Variants in KPNA7 observed in about 807,000 individuals in gnomAD.
KPNA7 encodes the protein karyopherin subunit alpha 7.
A neutral mutation model predicts 53.7 loss-of-function variants in KPNA7; 54 were observed. That is an observed-to-expected ratio of 1.01 (90% CI 0.81 to 1.26). The LOEUF (loss-of-function observed/expected upper bound fraction) is 1.26, where lower values mean the gene tolerates loss of function less well. Ranked by LOEUF, KPNA7 falls within the 50% of genes most tolerant of loss-of-function variation. KPNA7 has a pLI of 0.00. For synonymous variants in KPNA7, 276 were observed against 259.3 expected, an observed-to-expected ratio of 1.06 and a Z score of -0.62; for missense variants, 640 against 644.5, an observed-to-expected ratio of 0.99 and a Z score of 0.07.
chr7:99,168,567 G>A, the KPNA7 span, among the ~76,000 whole-genome samples: 2 of 152,236 alleles, frequency 1.3e-5, no homozygotes, highest in Admixed American at 1.3e-4. Flanking sequence ...CTGGGGTGTG[G>A]TGGCAGGATC....
downstream of KPNA7, among the ~76,000 whole-genome samples, chr7:99,169,311 A>G (rs1213902891): frequency 6.6e-6 from 1 of 151,950 alleles, no homozygotes; most frequent in Non-Finnish European, 1.5e-5. Flanking sequence ...AAAAATGAGT[A>G]TTTTGCTTAC....
chr7:99,186,322 G>A (rs1031047854), intron 7 of KPNA7, among the ~76,000 whole-genome samples: 1 of 152,118 alleles, frequency 6.6e-6, no homozygotes, highest in Non-Finnish European at 1.5e-5. Context: ...TGTAGTGGCA[G>A]CCCCAGTAAA....
intron 2 of KPNA7, 97 bp downstream of exon 2, chr7:99,207,304 A>C: frequency 1.0e-6 from 1 of 977,280 alleles, no homozygotes; most frequent in South Asian, 1.4e-5. Context: ...AAGTGTTGGG[A>C]TTACAGGCAT....
At chr7:99,162,654 G>GA in the KPNA7 span, among the ~76,000 whole-genome samples, 2 of 151,752 alleles carry the variant, frequency 1.3e-5, no homozygotes, top group African/African-American at 2.4e-5. Flanking sequence ...CAAAGAGAAG[G>GA]AAAAAAAGAG....
intron 6 of KPNA7, 121 bp downstream of exon 6, chr7:99,192,897 AG>A: frequency 1.6e-6 from 1 of 614,014 alleles, no homozygotes; most frequent in East Asian, 3.1e-5. Context: ...GAGAGGTAGG[AG>A]GATTGCTTGA....
upstream of KPNA7, among the ~76,000 whole-genome samples, chr7:99,210,585 T>C (rs1159077372): frequency 1.3e-5 from 2 of 152,026 alleles, no homozygotes; most frequent in Non-Finnish European, 2.9e-5. Flanking sequence ...AGTTTGCTTT[T>C]GTGTTTTTGT....
At chr7:99,208,587 T>C (rs1790938174), upstream of KPNA7, among the ~76,000 whole-genome samples, 1 of 151,032 alleles carries the variant, frequency 6.6e-6, no homozygotes, top group Admixed American at 6.6e-5. Context: ...TTGTTTGTTT[T>C]TGTAGAGTCG....
In KPNA7 at chr7:99,203,100, A is replaced by T. The variant is rs573505062; in HGVS notation, c.201+6T>A. 6.4e-7 allele frequency: 1 copy of T among 1,551,578 alleles called. No individual in the cohort carries two copies. The highest frequency in any genetic ancestry group is 2.4e-5 in the East Asian group (1 of 40,906). On this transcript the variant is annotated splice_donor_region_variant and intron_variant, in intron 3 of 10. Transcript: ENST00000327442. ...CCCAAGACTACTCTAAACACTACAT[A>T]CTGACCGCCACCCCTTTGGCTGTTT...
the KPNA7 span, among the ~76,000 whole-genome samples, chr7:99,164,631 TTA>T: frequency 0.02 from 394 of 19,752 alleles, 1 homozygote; most frequent in African/African-American, 0.034. Context: ...CTTAAAGAAT[TTA>T]AAAAAAAAAA....
chr7:99,194,064 C>T (rs1269258849), intron 5 of KPNA7, among the ~76,000 whole-genome samples: 3 of 152,170 alleles, frequency 2.0e-5, no homozygotes, highest in Non-Finnish European at 4.4e-5. Flanking sequence ...TCTAATCATA[C>T]TGTTTCTGCT....
intron 2 of KPNA7, among the ~76,000 whole-genome samples, chr7:99,205,995 C>A (rs1790793399): frequency 6.6e-6 from 1 of 152,190 alleles, no homozygotes; most frequent in Admixed American, 6.6e-5. Flanking sequence ...GCAAGAACAG[C>A]CTGGACTTCT....
intron 8 of KPNA7, among the ~76,000 whole-genome samples, chr7:99,184,264 C>T (rs1789455186): frequency 6.6e-6 from 1 of 151,362 alleles, no homozygotes; most frequent in Admixed American, 6.6e-5. Flanking sequence ...AATTGATCCT[C>T]CTACCTTAGC....
At chr7:99,190,976 C>T (rs922191968) in intron 6 of KPNA7, among the ~76,000 whole-genome samples, 1 of 152,052 alleles carries the variant, frequency 6.6e-6, no homozygotes, top group African/African-American at 2.4e-5. Flanking sequence ...GCCTCAACTT[C>T]ATGCCTGCAA....
chr7:99,165,230 G>A, the KPNA7 span, among the ~76,000 whole-genome samples: 1 of 151,968 alleles, frequency 6.6e-6, no homozygotes, highest in South Asian at 2.1e-4. Flanking sequence ...CCTAGCAGAT[G>A]TCTACCAATG....
chr7:99,194,933 T>C (rs1418934390), intron 5 of KPNA7, 137 bp downstream of exon 5: 24 of 1,089,132 alleles, frequency 2.2e-5, no homozygotes, highest in Non-Finnish European at 3.1e-5. Context: ...CAGCTCATTG[T>C]ACCCTTGCCA....
rs760915691 is a variant in KPNA7 at position 99,178,051 on chromosome 7, A to G, written c.1333T>C (p.Ser445Pro). Residue 445 changes from serine (S) to proline (P), a missense_variant, in exon 10 of 11, where the codon TCT becomes CCT. By Grantham distance (74) the Ser-to-Pro change is moderately conservative. Coordinates refer to ENST00000327442, the MANE Select transcript of KPNA7 (RefSeq NM_001145715.3). ...SCILQAAEKR[S>P]EKENLCLLIE... is the part of the protein sequence containing the mutation. ...AGAAGACACAGGTTTTCCTTCTCAG[A>G]CCGTTTCTCTGCCGCCTGTGACCAA... 5.2e-6 allele frequency: 8 copies of G among 1,551,202 alleles called. No individual in the cohort carries two copies. The highest frequency in any genetic ancestry group is 1.7e-4 in the Middle Eastern group (1 of 6,014).
chr7:99,216,944 G>A (rs1563095013), intron 1 of KPNA7, among the ~76,000 whole-genome samples: 1 of 152,170 alleles, frequency 6.6e-6, no homozygotes, highest in Non-Finnish European at 1.5e-5. Flanking sequence ...CGCTTCCTCT[G>A]GTTGGGGCAT....
chr7:99,194,978 G>C lies in KPNA7; in HGVS notation c.553+92C>G, dbSNP rs1353393974. 35 of 1,382,394 alleles carry C rather than the reference G, an allele frequency of 2.5e-5. No individual in the cohort carries two copies. The East Asian group carries it at 8.8e-4, about 35-fold the overall frequency. 85.6% of individuals were successfully genotyped at this position (1,382,394 alleles called of 1,614,324 possible). ...GGTATTTACATGGCAAAGTGTTCTGGGACATCGAGTATACCCCACCACCCA... is the reference window on the plus strand; with the variant it reads ...GGTATTTACATGGCAAAGTGTTCTGCGACATCGAGTATACCCCACCACCCA... On this transcript the variant is annotated intron_variant, in intron 5 of 10. Coordinates refer to ENST00000327442, the MANE Select transcript of KPNA7 (RefSeq NM_001145715.3).
chr7:99,197,017 TAAAAAC>T (rs1790261138), intron 3 of KPNA7, among the ~76,000 whole-genome samples: 2 of 144,234 alleles, frequency 1.4e-5, no homozygotes, highest in African/African-American at 2.8e-5. Flanking sequence ...TGCATATGCT[TAAAAAC>T]AACAACAACA....
Sources: gnomAD v4.1 joint callset for allele counts (sites outside exome capture counted in the v4.1 genomes callset) on GRCh38, gnomAD v4.1.1 for gene constraint, MANE v1.5 for transcripts, NCBI Gene and HGNC (gene_info 2026-07-23, HGNC 2026-07-21) for gene names.